NUDT5: variants seen among roughly 807,000 people sequenced by gnomAD.
The protein encoded by NUDT5 is ADP-sugar pyrophosphatase.
A neutral mutation model predicts 34.1 loss-of-function variants in NUDT5; 21 were observed. The observed-to-expected ratio is 0.62, with a 90% confidence interval of 0.44 to 0.89. The LOEUF (loss-of-function observed/expected upper bound fraction) is 0.89, where lower values mean the gene tolerates loss of function less well. Among genes scored for constraint, NUDT5 ranks in the 40% least tolerant of loss-of-function variants. The pLI is 0.00. For synonymous variants in NUDT5, 85 were observed against 97.6 expected (o/e 0.87, Z 0.76); for missense variants, 249 against 274.8 (o/e 0.91, Z 0.66).
chr10:12,176,211 A>AT (rs1461092783), intron 5 of NUDT5, among the ~76,000 whole-genome samples: 1 of 152,044 alleles, frequency 6.6e-6, no homozygotes, highest in Non-Finnish European at 1.5e-5. Context: ...AAATAAAAAA[A>AT]TAAAAAAAAA....
chr10:12,180,185 T>TA (rs1408758415), intron 3 of NUDT5, among the ~76,000 whole-genome samples: 4 of 152,188 alleles, frequency 2.6e-5, no homozygotes, highest in Non-Finnish European at 5.9e-5. Flanking sequence ...ATTTGCTTTT[T>TA]AAAAAACAAA....
chr10:12,173,871 CTTT>C lies in NUDT5; in HGVS notation c.290-61_290-59del, dbSNP rs35088067. Reference sequence around the variant, plus strand: ...GGGAAATCCGGTTCTTTAAACCCTCCTTTTTTTTTTTTTGAGATGGAGTCTCAC... The same window carrying C: ...GGGAAATCCGGTTCTTTAAACCCTCCTTTTTTTTTTGAGATGGAGTCTCAC... On this transcript the variant is annotated intron_variant, in intron 5 of 9. Coordinates refer to ENST00000491614, the MANE Select transcript of NUDT5 (RefSeq NM_014142.4). This position sits in a 1 kb window ranked among gnomAD's most constrained non-coding sequence, Gnocchi z 4.7. The C allele has an allele frequency of 1.7e-3, 1,322 of 776,778 alleles. No homozygotes were observed. The highest frequency in any genetic ancestry group is 1.9e-3 in the Non-Finnish European group (944 of 496,212). The allele number at this position is 776,778 out of a possible 1,614,324, so 48.1% of individuals were successfully genotyped here.
chr10:12,190,184 A>AG (rs961790074), intron 1 of NUDT5, among the ~76,000 whole-genome samples: 1 of 152,218 alleles, frequency 6.6e-6, no homozygotes, highest in Admixed American at 6.5e-5. Flanking sequence ...TCACCGCGCC[A>AG]GCGAGTGTTC....
chr10:12,188,422 T>A (rs1261741916), intron 1 of NUDT5, among the ~76,000 whole-genome samples: 2 of 152,162 alleles, frequency 1.3e-5, no homozygotes, highest in Non-Finnish European at 2.9e-5. Context: ...GGTGAGATGA[T>A]GTTTTAGGAA....
chr10:12,194,656 G>C (rs1007780197), intron 1 of NUDT5, among the ~76,000 whole-genome samples: 29 of 152,188 alleles, frequency 1.9e-4, no homozygotes, highest in African/African-American at 7.0e-4. Context: ...ATTCCTGGGG[G>C]GAAGAGTTTC....
At chr10:12,188,726 T>C (rs1206020389) in intron 1 of NUDT5, among the ~76,000 whole-genome samples, 9 of 48,246 alleles carry the variant, frequency 1.9e-4, no homozygotes, top group South Asian at 1.0e-3. Context: ...CAAGACTCCA[T>C]CTAAAAAAAA....
rs1399954410 is a variant in NUDT5 at position 12,184,934 on chromosome 10, A to G, written c.86T>C (p.Val29Ala). The G allele has an allele frequency of 6.3e-7, 1 of 1,593,140 alleles. No individual in the cohort carries two copies. Among genetic ancestry groups the G allele is most frequent in the Admixed American group, 1.7e-5 (1 of 59,088 alleles). The change falls in exon 3 of 10, where the codon GTC (valine) becomes GCC (alanine). Residue 29 changes from valine to alanine, a missense_variant. Physicochemically the swap from Val to Ala is moderately conservative, Grantham distance 64 (BLOSUM62 0). Transcript: ENST00000491614. Reference protein sequence around the residue: ...SEELISEGKWVKLEKTTYMDP... With the variant: ...SEELISEGKWAKLEKTTYMDP... ...CATGTACGTTGTTTTTTCAAGCTTG[A>G]CCCATTTTCCTTCTGAAATTAACTA...
Position 12,177,842 on chromosome 10 carries a change from C to G in NUDT5, c.240G>C (p.Val80=), listed in dbSNP as rs748533573. 2 of 1,614,156 alleles carry G rather than the reference C, an allele frequency of 1.2e-6. No individual in the cohort carries two copies. Among genetic ancestry groups the G allele is most frequent in the South Asian group, 1.1e-5 (1 of 91,078 alleles). Residue 80 remains valine, a synonymous_variant, in exon 5 of 10, where the codon GTG becomes GTC. Transcript: ENST00000491614. ...RTLHYECIVL[V]KQFRPPMGGY... ...CCCCCATTGGTGGTCGGAACTGTTT[C>G]ACCAGAACGATACACTCATAGTGAA...
intron 1 of NUDT5, among the ~76,000 whole-genome samples, chr10:12,193,027 C>T (rs565638090): frequency 1.3e-5 from 2 of 151,580 alleles, no homozygotes; most frequent in East Asian, 1.9e-4. Flanking sequence ...ACTTGGTGAT[C>T]TCCAGGAATC....
At chr10:12,191,898 C>T (rs977893730) in intron 1 of NUDT5, among the ~76,000 whole-genome samples, 1 of 152,108 alleles carries the variant, frequency 6.6e-6, no homozygotes, top group African/African-American at 2.4e-5. Context: ...AAACTATGAA[C>T]TCAAAAGCCT....
chr10:12,173,566 C>T lies in NUDT5; in HGVS notation c.385+152G>A. On this transcript the variant is annotated intron_variant, in intron 6 of 9. Coordinates refer to ENST00000491614, the MANE Select transcript of NUDT5 (RefSeq NM_014142.4). The surrounding 1 kb of genome is among the most constrained non-coding windows in gnomAD (Gnocchi z 4.7). ...AGGCCCTTCTGGCTCCAGTTTCCTC[C>T]TGGGAGGGGAGATTCCCTTACACTT... 1.6e-6 allele frequency: 1 copy of T among 636,044 alleles called. No homozygotes were observed. The highest frequency in any genetic ancestry group is 2.8e-6 in the Non-Finnish European group (1 of 358,328). The allele number at this position is 636,044 out of a possible 1,614,324, so 39.4% of individuals were successfully genotyped here.
At chr10:12,167,995 C>T in intron 9 of NUDT5, 184 bp from the exon 10 acceptor site, 1 of 1,148,958 alleles carries the variant, frequency 8.7e-7, no homozygotes, top group Non-Finnish European at 1.1e-6. Flanking sequence ...AGATTACATT[C>T]CTAGCATGAG....
rs540798731 is a variant in NUDT5, at chr10:12,168,890, G to C, written c.551-1079C>G. On this transcript the variant is annotated intron_variant, in intron 9 of 9. Coordinates refer to ENST00000491614, the MANE Select transcript of NUDT5 (RefSeq NM_014142.4). The surrounding 1 kb of genome is among the most constrained non-coding windows in gnomAD (Gnocchi z 4.8). ...CGATTCTCCTGCCCCAGCCTCCTGA[G>C]TAGCTGGGACTACCGGCATGTACCA... Among the ~76,000 whole-genome samples the C allele has an allele frequency of 6.6e-6, 1 of 152,238 alleles. No individual in the cohort carries two copies. Among genetic ancestry groups the C allele is most frequent in the Non-Finnish European group, 1.5e-5 (1 of 68,020 alleles).
At chr10:12,193,099 T>C (rs189436425) in intron 1 of NUDT5, among the ~76,000 whole-genome samples, 75 of 152,332 alleles carry the variant, frequency 4.9e-4, no homozygotes, top group African/African-American at 1.7e-3. Flanking sequence ...GAACTGACTG[T>C]AATGACCCTT....
chr10:12,176,122 G>A (rs1438228153), intron 5 of NUDT5, among the ~76,000 whole-genome samples: 6 of 151,316 alleles, frequency 4.0e-5, no homozygotes, highest in East Asian at 4.0e-4. Flanking sequence ...ACTTGAACCC[G>A]GGAGGCGGAG....
Position 12,170,959 on chromosome 10 carries a change from T to C in NUDT5, c.488-51A>G, listed in dbSNP as rs373144330. 1.2e-6 allele frequency: 2 copies of C among 1,601,038 alleles called. No homozygotes were observed. Among genetic ancestry groups the C allele is most frequent in the Non-Finnish European group, 1.7e-6 (2 of 1,172,636 alleles). The stretch of plus-strand genomic sequence containing the variant: ...TTCAGCAAGGCCTGGAGTGGTAACA[T>C]CGGAAGACTTTTATACAAGAGGCGT... On this transcript the variant is annotated intron_variant, in intron 7 of 9. Transcript: ENST00000491614. The surrounding 1 kb of genome is among the most constrained non-coding windows in gnomAD (Gnocchi z 4.9).
intron 5 of NUDT5, 96 bp downstream of exon 5, chr10:12,177,697 A>C: frequency 1.1e-6 from 1 of 889,698 alleles, no homozygotes; most frequent in Non-Finnish European, 1.8e-6. Flanking sequence ...CCACAAGGAC[A>C]GATTAAAAAC....
intron 1 of NUDT5, among the ~76,000 whole-genome samples, chr10:12,195,349 A>G (rs1187735181): frequency 1.3e-5 from 2 of 152,100 alleles, no homozygotes; most frequent in African/African-American, 2.4e-5. Context: ...CAGGTTGACA[A>G]CTTTTGCGAG....
intron 1 of NUDT5, among the ~76,000 whole-genome samples, chr10:12,194,902 CT>C (rs59194975): frequency 1 from 152,282 of 152,352 alleles, 76,107 homozygotes; most frequent in Non-Finnish European, 1. Flanking sequence ...TGGCTCACGC[CT>C]TGTAAACCCA....
Sources: gnomAD v4.1 joint callset for allele counts (sites outside exome capture counted in the v4.1 genomes callset) on GRCh38, gnomAD v4.1.1 for gene constraint, Gnocchi (gnomAD v3.1) non-coding constraint, MANE v1.5 for transcripts, NCBI Gene and HGNC (gene_info 2026-07-23, HGNC 2026-07-21) for gene names.